AGBL1: variants seen among roughly 807,000 people sequenced by gnomAD.
AGBL1 encodes AGBL carboxypeptidase 1.
A neutral mutation model predicts 118.9 loss-of-function variants in AGBL1; 130 were observed. That is an observed-to-expected ratio of 1.09 (90% CI 0.95 to 1.26). AGBL1 has a LOEUF of 1.26. Ranked by LOEUF, AGBL1 falls within the 50% of genes most tolerant of loss-of-function variation. The pLI, the probability that AGBL1 is intolerant of heterozygous loss-of-function variation, is 0.00. For missense variants in AGBL1, 1,584 were observed against 1,298.1 expected (o/e 1.22, Z -3.38); for synonymous variants, 555 against 478.9 (o/e 1.16, Z -2.08).
intron 22 of AGBL1, among the ~76,000 whole-genome samples, chr15:86,788,594 G>C (rs898804377): frequency 2.0e-5 from 3 of 152,192 alleles, no homozygotes; most frequent in Non-Finnish European, 4.4e-5. Flanking sequence ...ATATTTTAAA[G>C]ATGCGAGACG....
At chr15:86,455,601 T>C (rs1423528867) in intron 18 of AGBL1, among the ~76,000 whole-genome samples, 1 of 152,186 alleles carries the variant, frequency 6.6e-6, no homozygotes, top group African/African-American at 2.4e-5. Context: ...GTAAGCAATA[T>C]GGCTTAGCAT....
At chr15:86,813,031 G>C (rs2078812440) in intron 22 of AGBL1, among the ~76,000 whole-genome samples, 1 of 152,040 alleles carries the variant, frequency 6.6e-6, no homozygotes, top group Admixed American at 6.6e-5. Context: ...CCAAGAGGAA[G>C]AAAGTGGGTC....
At chr15:86,352,911 A>G (rs932882119) in intron 17 of AGBL1, among the ~76,000 whole-genome samples, 2 of 152,232 alleles carry the variant, frequency 1.3e-5, no homozygotes, top group Non-Finnish European at 1.5e-5. Flanking sequence ...GTTGGAAAGT[A>G]GCTTAATAGT....
At chr15:86,102,482 T>C (rs1234494543) in intron 1 of AGBL1, among the ~76,000 whole-genome samples, 2 of 152,240 alleles carry the variant, frequency 1.3e-5, no homozygotes, top group African/African-American at 4.8e-5. Flanking sequence ...CTAGTGGTGA[T>C]ACCTTTTCTC....
intron 17 of AGBL1, among the ~76,000 whole-genome samples, chr15:86,386,957 A>T (rs2081206089): frequency 6.6e-6 from 1 of 152,182 alleles, no homozygotes; most frequent in Admixed American, 6.5e-5. Context: ...GGCATGGAGG[A>T]GTTAATGACA....
At chr15:86,595,329 C>T (rs563157282) in intron 21 of AGBL1, among the ~76,000 whole-genome samples, 30 of 152,280 alleles carry the variant, frequency 2.0e-4, no homozygotes, top group Non-Finnish European at 3.7e-4. Context: ...ACACCAAATG[C>T]TTCAAAACTT....
At chr15:86,338,253 C>A (rs996831113) in intron 17 of AGBL1, among the ~76,000 whole-genome samples, 2 of 152,056 alleles carry the variant, frequency 1.3e-5, no homozygotes, top group Non-Finnish European at 1.5e-5. Context: ...CATTTGAAAA[C>A]AACATGTTTT....
chr15:87,021,807 A>G (rs1455571295), intron 24 of AGBL1, among the ~76,000 whole-genome samples: 1 of 152,134 alleles, frequency 6.6e-6, no homozygotes, highest in Non-Finnish European at 1.5e-5. Context: ...GGAGGCTTGC[A>G]TTATGAATTT....
chr15:86,887,330 A>G (rs2079984721), intron 22 of AGBL1, among the ~76,000 whole-genome samples: 1 of 152,062 alleles, frequency 6.6e-6, no homozygotes, highest in Admixed American at 6.6e-5. Flanking sequence ...AACTCTTCCT[A>G]TTATAGACCT....
intron 22 of AGBL1, among the ~76,000 whole-genome samples, chr15:86,891,692 G>T (rs565037747): frequency 6.6e-6 from 1 of 152,156 alleles, no homozygotes; most frequent in Admixed American, 6.5e-5. Flanking sequence ...TTGCCCACAA[G>T]CACCTTCTCT....
chr15:86,776,750 A>ATG (rs10570012), intron 22 of AGBL1, among the ~76,000 whole-genome samples: 1,824 of 139,674 alleles, frequency 0.013, 20 homozygotes, highest in Non-Finnish European at 0.021. Flanking sequence ...ATATATATAT[A>ATG]TGTGTGTGTG....
intron 22 of AGBL1, among the ~76,000 whole-genome samples, chr15:86,746,726 A>G (rs1048019361): frequency 6.6e-6 from 1 of 152,024 alleles, no homozygotes; most frequent in Non-Finnish European, 1.5e-5. Context: ...CAGCCACTGT[A>G]TCTAGTGTTG....
At chr15:86,963,260 A>C (rs1005683495) in intron 23 of AGBL1, among the ~76,000 whole-genome samples, 2 of 152,094 alleles carry the variant, frequency 1.3e-5, no homozygotes, top group Non-Finnish European at 2.9e-5. Flanking sequence ...AATGGCATGA[A>C]TGTGCCACGG....
intron 18 of AGBL1, among the ~76,000 whole-genome samples, chr15:86,510,371 C>G (rs938354385): frequency 8.0e-6 from 1 of 124,428 alleles, no homozygotes; most frequent in African/African-American, 2.7e-5. Flanking sequence ...GAAAACTTAC[C>G]TGAATATGAA....
At position 86,204,717 on chromosome 15, in the gene AGBL1, G is replaced by C. The variant is rs2077963055; in HGVS notation, c.489-20197G>C. Among the ~76,000 whole-genome samples the C allele has an allele frequency of 2.0e-5, 3 of 152,130 alleles. No individual in the cohort carries two copies. The South Asian group carries it at 6.2e-4, about 31-fold the overall frequency. ...CAATTCTCCTGCCTCAGCCTCCCGA[G>C]TAGCTGGGACTACAGGCGTGCACCA... is the stretch of plus-strand genomic sequence containing the variant. On this transcript the variant is annotated intron_variant, in intron 5 of 22. Transcript: ENST00000614907.
In AGBL1 at chr15:86,642,494, T is replaced by C. The variant is rs114506604; in HGVS notation, c.2995-31779T>C. 6.3e-3 allele frequency among the ~76,000 whole-genome samples: 961 copies of C among 152,248 alleles called. 6 individuals are homozygous for C. Among genetic ancestry groups the C allele is most frequent in the African/African-American group, 0.022 (903 of 41,548 alleles). On this transcript the variant is annotated intron_variant, in intron 21 of 22. Transcript: ENST00000614907. ...CAAGATATTGGCTGTTAGTTTACAG[T>C]GAATTCTTTTAAAAAAAATTGTGTT...
intron 22 of AGBL1, among the ~76,000 whole-genome samples, chr15:86,843,063 C>T (rs569798684): frequency 6.6e-6 from 1 of 152,120 alleles, no homozygotes; most frequent in African/African-American, 2.4e-5. Context: ...GGGCCGTCTA[C>T]CAAGCACTTT....
At chr15:86,736,655 C>T (rs1349386789) in intron 22 of AGBL1, among the ~76,000 whole-genome samples, 4 of 152,122 alleles carry the variant, frequency 2.6e-5, no homozygotes, top group East Asian at 1.9e-4. Context: ...TTCCACTAGC[C>T]GTAAACTACA....
chr15:86,465,563 C>A (rs371407764), intron 18 of AGBL1, among the ~76,000 whole-genome samples: 1 of 152,106 alleles, frequency 6.6e-6, no homozygotes, highest in East Asian at 1.9e-4. Context: ...TTCTCAGCAA[C>A]GAATAACCTG....
Sources: gnomAD v4.1 joint callset for allele counts (sites outside exome capture counted in the v4.1 genomes callset) on GRCh38, gnomAD v4.1.1 for gene constraint, MANE v1.5 for transcripts, NCBI Gene and HGNC (gene_info 2026-07-23, HGNC 2026-07-21) for gene names.